Variants in CREB3L3 observed in about 807,000 individuals in gnomAD.
The protein encoded by CREB3L3 is cAMP responsive element binding protein 3 like 3, also known as cyclic AMP-responsive element-binding protein 3-like protein 3.
CREB3L3 carries 40 observed loss-of-function variants against 44.6 expected under a neutral mutation model. The ratio of observed to expected loss-of-function variants is 0.90; its 90% CI spans 0.70 to 1.17. The LOEUF (loss-of-function observed/expected upper bound fraction) is 1.17. Ranked by LOEUF, CREB3L3 falls within the 50% of genes most tolerant of loss-of-function variation. CREB3L3 has a pLI of 0.00. For missense variants in CREB3L3, 578 were observed against 595.8 expected (o/e 0.97, Z 0.31); for synonymous variants, 273 against 256.3 (o/e 1.06, Z -0.62).
In CREB3L3 at chr19:4,171,808, G is replaced by C. The variant is rs144785273; in HGVS notation, c.1225G>C (p.Ala409Pro). 12 of 1,613,504 alleles carry C rather than the reference G, an allele frequency of 7.4e-6. No homozygotes were observed. The highest frequency in any genetic ancestry group is 9.3e-6 in the Non-Finnish European group (11 of 1,180,028). Residue 409 changes from alanine to proline, a missense_variant, in exon 10 of 10, where the codon GCG becomes CCG. Coordinates refer to ENST00000078445, the MANE Select transcript of CREB3L3 (RefSeq NM_032607.3). The surrounding 1 kb of genome is among the most constrained non-coding windows in gnomAD (Gnocchi z 4.9). ...GGCAGACTGGGGCTTCCAGGACACC[G>C]CGAACCTGACCAATTCGACGGAGGA... Reference protein sequence around the residue: ...PGADWGFQDTANLTNSTEELD... With the variant: ...PGADWGFQDTPNLTNSTEELD...
intron 5 of CREB3L3, among the ~76,000 whole-genome samples, chr19:4,167,376 A>G (rs535339242): frequency 9.8e-4 from 133 of 135,324 alleles, no homozygotes; most frequent in African/African-American, 3.4e-3. Context: ...GAGAGAGAGA[A>G]AAGGAAGGAA....
chr19:4,154,066 A>AT (rs1247026764), intron 1 of CREB3L3, among the ~76,000 whole-genome samples: 1 of 151,320 alleles, frequency 6.6e-6, no homozygotes, highest in Non-Finnish European at 1.5e-5. Flanking sequence ...ATTTTATTTT[A>AT]TTTTATTTTT....
intron 2 of CREB3L3, among the ~76,000 whole-genome samples, 166 bp downstream of exon 2, chr19:4,155,193 G>T (rs923831120): frequency 8.5e-5 from 13 of 152,100 alleles, no homozygotes; most frequent in Non-Finnish European, 2.9e-5. Flanking sequence ...TCATTTAGCG[G>T]GTAGCATCAG....
intron 5 of CREB3L3, among the ~76,000 whole-genome samples, chr19:4,166,255 A>C (rs1447202750): frequency 7.2e-6 from 1 of 139,426 alleles, no homozygotes; most frequent in Non-Finnish European, 1.6e-5. Context: ...TGCCTAGCTA[A>C]TTTTTTTTTT....
chr19:4,166,187 C>T (rs1966901278), intron 5 of CREB3L3, among the ~76,000 whole-genome samples: 1 of 151,192 alleles, frequency 6.6e-6, no homozygotes, highest in Non-Finnish European at 1.5e-5. Flanking sequence ...CTCTGGAGTA[C>T]AAGTGATTCT....
chr19:4,163,605 C>A (rs567052362), intron 4 of CREB3L3, among the ~76,000 whole-genome samples: 3 of 151,958 alleles, frequency 2.0e-5, no homozygotes, highest in Non-Finnish European at 4.4e-5. Flanking sequence ...CCCTGCCTCC[C>A]GGGTTCAAGC....
chr19:4,172,680 G>T lies in CREB3L3; in HGVS notation c.*711G>T. Reference sequence around the variant, plus strand: ...AGACCCGGACAGACAGACAGACACAGCCTGAAACAGACCCAGACAGACAGA... The same window carrying T: ...AGACCCGGACAGACAGACAGACACATCCTGAAACAGACCCAGACAGACAGA... On this transcript the variant is annotated 3_prime_UTR_variant, in exon 10 of 10. Coordinates refer to ENST00000078445, the MANE Select transcript of CREB3L3 (RefSeq NM_032607.3). 4.3e-6 allele frequency: 1 copy of T among 235,116 alleles called. No homozygotes were observed. Among genetic ancestry groups the T allele is most frequent in the Non-Finnish European group, 8.4e-6 (1 of 118,942 alleles). The allele number at this position is 235,116 out of a possible 1,614,324, so 14.6% of individuals were successfully genotyped here.
At chr19:4,164,403 C>A in intron 4 of CREB3L3, 100 bp from the exon 5 acceptor site, 1 of 1,482,544 alleles carries the variant, frequency 6.7e-7, no homozygotes, top group South Asian at 1.1e-5. Context: ...CCACCACACC[C>A]AGCCTGGGGT....
chr19:4,164,766 T>G, intron 5 of CREB3L3, 126 bp downstream of exon 5: 1 of 1,137,088 alleles, frequency 8.8e-7, no homozygotes, highest in Non-Finnish European at 1.3e-6. Context: ...TGGGATGCAG[T>G]GGCACGATCT....
chr19:4,155,389 C>T (rs1291168338), intron 2 of CREB3L3, among the ~76,000 whole-genome samples: 2 of 146,972 alleles, frequency 1.4e-5, no homozygotes, highest in African/African-American at 5.0e-5. Flanking sequence ...GAAGGAGTCT[C>T]GCTCTGTTGC....
At chr19:4,155,328 T>TTCTCCTTCC (rs2041557671) in intron 2 of CREB3L3, among the ~76,000 whole-genome samples, 1 of 151,798 alleles carries the variant, frequency 6.6e-6, no homozygotes, top group African/African-American at 2.4e-5. Flanking sequence ...TTCGGTTCTC[T>TTCTCCTTCC]TCTCCTTCCT....
At chr19:4,161,057 G>A (rs932572010) in intron 4 of CREB3L3, among the ~76,000 whole-genome samples, 2 of 152,008 alleles carry the variant, frequency 1.3e-5, no homozygotes. Flanking sequence ...GACTACAGGC[G>A]CCCGCCACCA....
chr19:4,167,044 A>G (rs1966921803), intron 5 of CREB3L3, among the ~76,000 whole-genome samples: 1 of 152,000 alleles, frequency 6.6e-6, no homozygotes. Context: ...TGACATTCCC[A>G]TTTGAAGACA....
At chr19:4,168,579 G>A in intron 6 of CREB3L3, 122 bp downstream of exon 6, 1 of 740,062 alleles carries the variant, frequency 1.4e-6, no homozygotes, top group South Asian at 1.5e-5. Context: ...CTCCTCTCTG[G>A]GAGAGATCAT....
intron 4 of CREB3L3, among the ~76,000 whole-genome samples, chr19:4,162,516 CAAA>C (rs777481446): frequency 4.1e-5 from 4 of 96,754 alleles, no homozygotes; most frequent in Admixed American, 2.6e-4. Flanking sequence ...CTCGTCTCTA[CAAA>C]AAAAAAAAAA....
rs115060534 is a variant in CREB3L3, at chr19:4,170,058, C to T, written c.822-82C>T. On this transcript the variant is annotated intron_variant, in intron 6 of 9. Transcript: ENST00000078445. ...GGCCTTGGGTTCTCTTGGCTTGTAA[C>T]GTGAGGCCTCTGGGGGAGATGTCAG... 1.0e-3 allele frequency: 1,391 copies of T among 1,342,020 alleles called. 8 individuals are homozygous for T. The African/African-American group carries it at 0.017, about 17-fold the overall frequency. The allele number at this position is 1,342,020 out of a possible 1,614,324, so 83.1% of individuals were successfully genotyped here.
chr19:4,158,164 T>G (rs2041610320), intron 3 of CREB3L3, among the ~76,000 whole-genome samples: 1 of 151,920 alleles, frequency 6.6e-6, no homozygotes, highest in Non-Finnish European at 1.5e-5. Context: ...CCCTTGACCC[T>G]TGCTATGAGC....
chr19:4,160,381 GT>G (rs930252040), intron 4 of CREB3L3, among the ~76,000 whole-genome samples: 1 of 151,284 alleles, frequency 6.6e-6, no homozygotes, highest in African/African-American at 2.4e-5. Context: ...TCTTAAAAAA[GT>G]TTTTTTTGAG....
intron 3 of CREB3L3, among the ~76,000 whole-genome samples, chr19:4,158,043 C>G (rs1827198449): frequency 6.6e-6 from 1 of 152,094 alleles, no homozygotes; most frequent in Non-Finnish European, 1.5e-5. Flanking sequence ...GGGTGCTCCT[C>G]CTAGACGTGG....
Sources: allele counts gnomAD v4.1 joint callset (sites outside exome capture counted in the v4.1 genomes callset), GRCh38; gene constraint gnomAD v4.1.1; non-coding constraint Gnocchi (gnomAD v3.1); transcripts MANE v1.5; gene names NCBI Gene and HGNC (gene_info 2026-07-23, HGNC 2026-07-21).